Variants in GLIS3 observed in about 807,000 individuals in gnomAD.
GLIS3 encodes zinc finger protein GLIS3.
GLIS3 carries 53 observed loss-of-function variants against 78.6 expected under a neutral mutation model. The observed-to-expected ratio is 0.67, with a 90% confidence interval of 0.54 to 0.85. GLIS3 has a LOEUF of 0.85. Among genes scored for constraint, GLIS3 ranks in the 40% least tolerant of loss-of-function variants. The pLI, the probability that GLIS3 is intolerant of heterozygous loss-of-function variation, is 0.00. For missense variants in GLIS3, 1,703 were observed against 1,231.1 expected, an observed-to-expected ratio of 1.38 and a Z score of -5.74; for synonymous variants, 684 against 509.9, an observed-to-expected ratio of 1.34 and a Z score of -4.60.
At chr9:4,143,153 C>G (rs776578236) in intron 2 of GLIS3, among the ~76,000 whole-genome samples, 1 of 152,052 alleles carries the variant, frequency 6.6e-6, no homozygotes, top group Admixed American at 6.6e-5. Context: ...ATTTGACATA[C>G]GTACACACTG....
the GLIS3 span, among the ~76,000 whole-genome samples, chr9:4,386,839 T>C: frequency 6.6e-6 from 1 of 152,190 alleles, no homozygotes; most frequent in Non-Finnish European, 1.5e-5. Flanking sequence ...TCCTGCTTCA[T>C]CTCCCCACTG....
At chr9:4,374,911 C>T in the GLIS3 span, among the ~76,000 whole-genome samples, 3 of 152,192 alleles carry the variant, frequency 2.0e-5, no homozygotes, top group East Asian at 1.9e-4. Flanking sequence ...CAACTCATCT[C>T]GAGCATTTTT....
intron 4 of GLIS3, among the ~76,000 whole-genome samples, chr9:4,087,479 A>G (rs1829131249): frequency 6.6e-6 from 1 of 152,198 alleles, no homozygotes; most frequent in South Asian, 2.1e-4. Context: ...TTCCTGATAG[A>G]TCTAAGGCCT....
At chr9:4,313,825 T>A (rs1277546187) in intron 2 of GLIS3, among the ~76,000 whole-genome samples, 1 of 152,160 alleles carries the variant, frequency 6.6e-6, no homozygotes, top group African/African-American at 2.4e-5. Context: ...CCACTGGGTG[T>A]GTGTTGCAGG....
At chr9:3,833,906 T>A (rs879892881) in intron 9 of GLIS3, among the ~76,000 whole-genome samples, 1 of 152,198 alleles carries the variant, frequency 6.6e-6, no homozygotes, top group African/African-American at 2.4e-5. Context: ...TGGGAAGTTT[T>A]TTTTCCCCCT....
chr9:3,952,290 G>A, intron 4 of GLIS3, among the ~76,000 whole-genome samples: 1 of 152,058 alleles, frequency 6.6e-6, no homozygotes, highest in East Asian at 1.9e-4. Flanking sequence ...CCTTACTACT[G>A]GGAAATCGTA....
the GLIS3 span, among the ~76,000 whole-genome samples, chr9:4,434,617 T>C: frequency 5.3e-5 from 8 of 152,152 alleles, no homozygotes; most frequent in Non-Finnish European, 8.8e-5. Flanking sequence ...AATGGATGGA[T>C]ACATGGAGGT....
intron 2 of GLIS3, among the ~76,000 whole-genome samples, chr9:4,165,058 G>T (rs528227963): frequency 6.6e-6 from 1 of 152,170 alleles, no homozygotes; most frequent in Non-Finnish European, 1.5e-5. Context: ...CATCCACACT[G>T]TGAGAGGCTC....
chr9:3,929,143 G>T (rs759767119), intron 6 of GLIS3, among the ~76,000 whole-genome samples: 19 of 152,100 alleles, frequency 1.2e-4, no homozygotes, highest in Non-Finnish European at 2.4e-4. Context: ...GACCACAGTT[G>T]GTGACTTGAG....
At chr9:4,480,745 C>T in the GLIS3 span, among the ~76,000 whole-genome samples, 5 of 151,560 alleles carry the variant, frequency 3.3e-5, no homozygotes, top group African/African-American at 9.7e-5. Flanking sequence ...TTACCCTTAA[C>T]ACACACATAC....
intron 2 of GLIS3, among the ~76,000 whole-genome samples, chr9:4,176,690 C>G (rs1201887847): frequency 1.3e-5 from 2 of 152,186 alleles, no homozygotes; most frequent in Non-Finnish European, 2.9e-5. Flanking sequence ...ATGGTGCCAT[C>G]TCAGCTCACT....
chr9:4,349,117 C>T, upstream of GLIS3, among the ~76,000 whole-genome samples: 1 of 152,214 alleles, frequency 6.6e-6, no homozygotes, highest in East Asian at 1.9e-4. Context: ...GCTTACTAAA[C>T]ATCAGTTGAT....
At chr9:4,270,811 G>C (rs1826430290) in intron 2 of GLIS3, among the ~76,000 whole-genome samples, 1 of 152,146 alleles carries the variant, frequency 6.6e-6, no homozygotes, top group African/African-American at 2.4e-5. Context: ...GCTGACTGCA[G>C]ATGGTAAGAC....
intron 8 of GLIS3, among the ~76,000 whole-genome samples, chr9:3,859,368 C>T (rs1320140530): frequency 7.4e-5 from 1 of 13,498 alleles, no homozygotes; most frequent in African/African-American, 1.6e-4. Context: ...CACACACACA[C>T]ACACACACAC....
the GLIS3 span, among the ~76,000 whole-genome samples, chr9:4,411,966 A>T: frequency 6.6e-6 from 1 of 152,270 alleles, no homozygotes; most frequent in Non-Finnish European, 1.5e-5. Context: ...ATACTAAATG[A>T]GTTTTAAACA....
chr9:4,235,041 G>A (rs1052776801), intron 2 of GLIS3, among the ~76,000 whole-genome samples: 6 of 152,166 alleles, frequency 3.9e-5, no homozygotes, highest in African/African-American at 1.4e-4. Flanking sequence ...GCTCACGCCT[G>A]TAATCCCCAC....
chr9:4,042,255 T>C (rs1028604076), intron 4 of GLIS3, among the ~76,000 whole-genome samples: 1 of 152,186 alleles, frequency 6.6e-6, no homozygotes, highest in Non-Finnish European at 1.5e-5. Context: ...CCAGCCTTGA[T>C]TCTTCATTTG....
intron 2 of GLIS3, among the ~76,000 whole-genome samples, chr9:4,150,716 C>G (rs538237658): frequency 6.6e-6 from 1 of 152,152 alleles, no homozygotes; most frequent in South Asian, 2.1e-4. Context: ...ATTTAGATGC[C>G]AAGAAGGAAG....
At chr9:4,334,379 G>A (rs1817724211) in intron 2 of GLIS3, among the ~76,000 whole-genome samples, 1 of 152,190 alleles carries the variant, frequency 6.6e-6, no homozygotes, top group African/African-American at 2.4e-5. Flanking sequence ...AGACAGAAAA[G>A]GTTGGCTGTC....
Sources: gnomAD v4.1 joint callset for allele counts (sites outside exome capture counted in the v4.1 genomes callset) on GRCh38, gnomAD v4.1.1 for gene constraint, MANE v1.5 for transcripts, NCBI Gene and HGNC (gene_info 2026-07-23, HGNC 2026-07-21) for gene names.